The following CSGALNACT1 variants were observed in gnomAD, a reference collection of about 807,000 sequenced individuals.
CSGALNACT1 encodes chondroitin sulfate N-acetylgalactosaminyltransferase 1.
A neutral mutation model predicts 51.0 loss-of-function variants in CSGALNACT1; 52 were observed. That is an observed-to-expected ratio of 1.02 (90% CI 0.82 to 1.29). CSGALNACT1 has a LOEUF of 1.29. Ranked by LOEUF, CSGALNACT1 falls within the 50% of genes most tolerant of loss-of-function variation. CSGALNACT1 has a pLI of 0.00. For missense variants in CSGALNACT1, 935 were observed against 679.2 expected (o/e 1.38, Z -4.19); for synonymous variants, 341 against 254.4 (o/e 1.34, Z -3.24).
intron 1 of CSGALNACT1, among the ~76,000 whole-genome samples, chr8:19,651,910 T>C (rs1472168444): frequency 9.1e-6 from 1 of 110,114 alleles, no homozygotes; most frequent in African/African-American, 3.3e-5. Context: ...ACAACCTCGC[T>C]GTCTGTTTTT....
At chr8:19,578,940 C>G (rs151327563) in intron 3 of CSGALNACT1, among the ~76,000 whole-genome samples, 61 of 152,242 alleles carry the variant, frequency 4.0e-4, no homozygotes, top group Middle Eastern at 3.4e-3. Context: ...ACGTTGACCA[C>G]GCTGGTCTCA....
chr8:19,749,638 G>T (rs942719524), intron 1 of CSGALNACT1, among the ~76,000 whole-genome samples: 6 of 152,108 alleles, frequency 3.9e-5, no homozygotes, highest in Admixed American at 2.6e-4. Context: ...AACAACACAG[G>T]CTAGTCTACA....
chr8:19,720,952 C>T (rs899680949), intron 1 of CSGALNACT1, among the ~76,000 whole-genome samples: 1 of 152,168 alleles, frequency 6.6e-6, no homozygotes, highest in Non-Finnish European at 1.5e-5. Flanking sequence ...GATCTCATCT[C>T]CTATAGGAGC....
chr8:19,710,095 C>T (rs963641516), intron 1 of CSGALNACT1, among the ~76,000 whole-genome samples: 2 of 152,192 alleles, frequency 1.3e-5, no homozygotes, highest in African/African-American at 4.8e-5. Context: ...TAGGAAAACA[C>T]TGCAACAAAA....
intron 1 of CSGALNACT1, among the ~76,000 whole-genome samples, chr8:19,704,135 G>T (rs2062029879): frequency 6.6e-6 from 1 of 152,130 alleles, no homozygotes; most frequent in Non-Finnish European, 1.5e-5. Flanking sequence ...TAATTACATG[G>T]ATCATTCTTA....
At chr8:19,409,572 C>A (rs1285225833) in intron 8 of CSGALNACT1, among the ~76,000 whole-genome samples, 4 of 152,140 alleles carry the variant, frequency 2.6e-5, no homozygotes, top group African/African-American at 4.8e-5. Flanking sequence ...TGAGAGAACT[C>A]TGGGAACAGT....
intron 4 of CSGALNACT1, among the ~76,000 whole-genome samples, chr8:19,494,198 C>T (rs192732707): frequency 4.6e-5 from 7 of 152,260 alleles, no homozygotes; most frequent in African/African-American, 9.6e-5. Flanking sequence ...CTCCTTGATG[C>T]GCCAGCACTA....
At chr8:19,717,824 A>G (rs565165590) in intron 1 of CSGALNACT1, among the ~76,000 whole-genome samples, 4 of 152,152 alleles carry the variant, frequency 2.6e-5, no homozygotes, top group Non-Finnish European at 5.9e-5. Context: ...AGGCTCAGGC[A>G]CTGTAACCCT....
chr8:19,666,875 AAGAAAG>A (rs2059286975), intron 1 of CSGALNACT1, among the ~76,000 whole-genome samples: 1 of 126,308 alleles, frequency 7.9e-6, no homozygotes, highest in Non-Finnish European at 1.7e-5. Flanking sequence ...GAAAGAAAGA[AAGAAAG>A]AAAGAGAGAG....
intron 5 of CSGALNACT1, among the ~76,000 whole-genome samples, chr8:19,458,188 G>T (rs897402396): frequency 6.6e-6 from 1 of 152,190 alleles, no homozygotes; most frequent in Non-Finnish European, 1.5e-5. Context: ...AGATCCTGGT[G>T]AAAACCCAGT....
At chr8:19,604,018 C>T (rs2050985987), upstream of CSGALNACT1, among the ~76,000 whole-genome samples, 1 of 152,208 alleles carries the variant, frequency 6.6e-6, no homozygotes, top group South Asian at 2.1e-4. Flanking sequence ...CACGGCATGG[C>T]TCAGCTCCTC....
chr8:19,669,774 T>C (rs943966205), intron 1 of CSGALNACT1, among the ~76,000 whole-genome samples: 1 of 152,222 alleles, frequency 6.6e-6, no homozygotes, highest in Non-Finnish European at 1.5e-5. Flanking sequence ...TGTGCCCAGC[T>C]GTAAACCATG....
chr8:19,522,653 G>A (rs952830177), intron 3 of CSGALNACT1, among the ~76,000 whole-genome samples: 2 of 152,190 alleles, frequency 1.3e-5, no homozygotes, highest in South Asian at 2.1e-4. Flanking sequence ...CTTACCAGAA[G>A]GACTCTGGGT....
At chr8:19,633,954 C>T (rs1377904066) in intron 1 of CSGALNACT1, among the ~76,000 whole-genome samples, 5 of 151,920 alleles carry the variant, frequency 3.3e-5, no homozygotes, top group East Asian at 1.9e-4. Context: ...CTTTCCCAAC[C>T]GAGGGTTCGT....
chr8:19,452,984 G>A lies in CSGALNACT1; in HGVS notation c.851+5442C>T, dbSNP rs1479397087. On this transcript the variant is annotated intron_variant, in intron 5 of 9. Transcript: ENST00000454498. ...GCACAACAATTCTCAGTCAAGATGA[G>A]GAGAGAGCCAAGGAGAATCCACCCA... Among the ~76,000 whole-genome samples the A allele has an allele frequency of 2.6e-5, 4 of 152,166 alleles. No homozygotes were observed. The East Asian group carries it at 7.7e-4, about 29-fold the overall frequency.
Position 19,666,809 on chromosome 8 carries a change from A to AAGAG in CSGALNACT1, c.-544+15660_-544+15663dup, listed in dbSNP as rs375633259. ...AAAGAAAGAAAGAAAGAAAGAAAGA[A>AAGAG]AGAGAGAGAGAGAGAGAGAGAGAGA... is the stretch of plus-strand genomic sequence containing the variant. On this transcript the variant is annotated intron_variant, in intron 1 of 9. Coordinates refer to the CSGALNACT1 transcript ENST00000332246. 2.0e-3 allele frequency among the ~76,000 whole-genome samples: 49 copies of AAGAG among 25,092 alleles called. 1 individual carries two copies. Among genetic ancestry groups the AAGAG allele is most frequent in the Middle Eastern group, 0.019 (1 of 52 alleles). 16.5% of individuals were successfully genotyped at this position (25,092 alleles called of 152,430 possible). A position where few individuals can be genotyped will look rare whatever the true frequency, so the allele number is the denominator to read the frequency against.
At chr8:19,739,499 T>C (rs1419107159) in intron 1 of CSGALNACT1, among the ~76,000 whole-genome samples, 3 of 152,164 alleles carry the variant, frequency 2.0e-5, no homozygotes, top group African/African-American at 4.8e-5. Flanking sequence ...CTATATCCCC[T>C]TCCTCTTCAC....
At chr8:19,730,923 A>T (rs929442902) in intron 1 of CSGALNACT1, among the ~76,000 whole-genome samples, 3 of 152,178 alleles carry the variant, frequency 2.0e-5, no homozygotes, top group Non-Finnish European at 4.4e-5. Context: ...GTCCTCCTGC[A>T]TTCTTCATGC....
At chr8:19,495,025 C>T (rs2075197470) in intron 4 of CSGALNACT1, 1 of 152,188 alleles carries the variant, frequency 6.6e-6, no homozygotes, top group Non-Finnish European at 1.5e-5. Context: ...GGCAAAGGCT[C>T]AGCAGATACT....
Sources: allele counts gnomAD v4.1 joint callset (sites outside exome capture counted in the v4.1 genomes callset), GRCh38; gene constraint gnomAD v4.1.1; transcripts MANE v1.5; gene names NCBI Gene and HGNC (gene_info 2026-07-23, HGNC 2026-07-21).